Variants in MAGI1 observed in about 807,000 individuals in gnomAD.
The protein encoded by MAGI1 is membrane-associated guanylate kinase, WW and PDZ domain-containing protein 1.
A neutral mutation model predicts 139.9 loss-of-function variants in MAGI1; 58 were observed. The ratio of observed to expected loss-of-function variants is 0.41; its 90% CI spans 0.34 to 0.52. The LOEUF (loss-of-function observed/expected upper bound fraction) is 0.52. Ranked by LOEUF, MAGI1 falls within the 20% of genes least tolerant of loss-of-function variation. The pLI is 0.12. For synonymous variants in MAGI1, 812 were observed against 737.9 expected, an observed-to-expected ratio of 1.10 and a Z score of -1.63; for missense variants, 1,874 against 1,901.6, an observed-to-expected ratio of 0.99 and a Z score of 0.27.
chr3:65,609,868 C>T (rs74670899), intron 2 of MAGI1: 8,297 of 175,808 alleles, frequency 0.047, 358 homozygotes, highest in African/African-American at 0.11. Context: ...TGAGCCATCA[C>T]GCCCTGCTTC....
chr3:65,637,031 TG>T (rs1397657484), intron 1 of MAGI1, among the ~76,000 whole-genome samples: 1 of 152,214 alleles, frequency 6.6e-6, no homozygotes, highest in Non-Finnish European at 1.5e-5. Context: ...TTTGTCACTG[TG>T]AATTTGTTCC....
chr3:65,526,608 A>T (rs1429065825), intron 2 of MAGI1, among the ~76,000 whole-genome samples: 2 of 152,218 alleles, frequency 1.3e-5, no homozygotes, highest in Non-Finnish European at 2.9e-5. Context: ...CATACCTGCA[A>T]TTGCTTATAA....
At chr3:65,788,302 A>C (rs186401253) in intron 1 of MAGI1, among the ~76,000 whole-genome samples, 20 of 152,320 alleles carry the variant, frequency 1.3e-4, no homozygotes, top group Non-Finnish European at 2.4e-4. Flanking sequence ...TCTTACAAAT[A>C]ATAATTTTTA....
At chr3:65,840,853 T>C (rs1386864480) in intron 1 of MAGI1, among the ~76,000 whole-genome samples, 1 of 152,258 alleles carries the variant, frequency 6.6e-6, no homozygotes, top group East Asian at 1.9e-4. Context: ...GAAGAAATTA[T>C]ATACAGTTGC....
intron 12 of MAGI1, 190 bp from the exon 13 acceptor site, chr3:65,401,660 C>T (rs1290366378): frequency 9.7e-6 from 15 of 1,544,930 alleles, no homozygotes; most frequent in African/African-American, 2.8e-5. Context: ...AGGAGGAGAG[C>T]GAGAGGCAGG....
intron 1 of MAGI1, among the ~76,000 whole-genome samples, chr3:65,845,946 T>G (rs1266554936): frequency 1.3e-5 from 2 of 152,184 alleles, no homozygotes; most frequent in Non-Finnish European, 2.9e-5. Flanking sequence ...CCTTTTCTGG[T>G]TCAAAGATGA....
intron 6 of MAGI1, among the ~76,000 whole-genome samples, chr3:65,452,123 AG>A (rs1949066755): frequency 1.9e-3 from 1 of 516 alleles, no homozygotes; most frequent in Non-Finnish European, 3.7e-3. Flanking sequence ...AAAGCAACCA[AG>A]ATAAAACAAA....
intron 1 of MAGI1, among the ~76,000 whole-genome samples, chr3:65,786,100 C>T (rs992519464): frequency 1.2e-4 from 18 of 151,958 alleles, no homozygotes; most frequent in East Asian, 5.8e-4. Context: ...GGATTATAGA[C>T]GCCTACCATC....
chr3:65,932,069 A>C (rs1252885533), intron 1 of MAGI1, among the ~76,000 whole-genome samples: 2 of 152,236 alleles, frequency 1.3e-5, no homozygotes, highest in African/African-American at 4.8e-5. Flanking sequence ...AATCGTATCG[A>C]GTTTTCTAAT....
chr3:65,606,276 T>C (rs966056767), intron 2 of MAGI1, among the ~76,000 whole-genome samples: 1 of 152,202 alleles, frequency 6.6e-6, no homozygotes, highest in Non-Finnish European at 1.5e-5. Context: ...CAGCAACCAC[T>C]GCACCGTGCC....
chr3:65,605,300 G>T (rs1219002002), intron 2 of MAGI1, among the ~76,000 whole-genome samples: 2 of 152,026 alleles, frequency 1.3e-5, no homozygotes, highest in Non-Finnish European at 2.9e-5. Flanking sequence ...ACAAATTATG[G>T]CTCTCAGCAT....
intron 1 of MAGI1, among the ~76,000 whole-genome samples, chr3:65,736,133 C>A (rs1317350545): frequency 2.0e-5 from 3 of 152,228 alleles, no homozygotes; most frequent in Non-Finnish European, 2.9e-5. Flanking sequence ...AAGGTTCATT[C>A]TCTGTTACCA....
In MAGI1 at chr3:65,758,573, G is replaced by C. The variant is rs542492850; in HGVS notation, c.314-136485C>G. On this transcript the variant is annotated intron_variant, in intron 1 of 22. Coordinates refer to ENST00000402939, the MANE Select transcript of MAGI1 (RefSeq NM_001033057.2). ...TTCCCAAAGCAGCGGTTCTCAACTG[G>C]GGGGGAATATCATGCCCCAGGAGAC... 4.6e-5 allele frequency among the ~76,000 whole-genome samples: 7 copies of C among 152,136 alleles called. No homozygotes were observed. The East Asian group carries it at 9.7e-4, about 21-fold the overall frequency.
chr3:65,737,614 T>G (rs2034883266), intron 1 of MAGI1, among the ~76,000 whole-genome samples: 1 of 152,190 alleles, frequency 6.6e-6, no homozygotes, highest in Non-Finnish European at 1.5e-5. Context: ...AATCACTGGC[T>G]GCCATATGGT....
intron 1 of MAGI1, among the ~76,000 whole-genome samples, chr3:65,842,372 T>G (rs925877006): frequency 7.9e-5 from 12 of 152,076 alleles, no homozygotes; most frequent in African/African-American, 2.9e-4. Context: ...CTTTTTTTTT[T>G]TTTTTGACAC....
chr3:65,786,420 C>T lies in MAGI1; in HGVS notation c.314-164332G>A, dbSNP rs2643734. 6.1e-3 allele frequency among the ~76,000 whole-genome samples: 928 copies of T among 151,548 alleles called. 13 individuals carry two copies. Among genetic ancestry groups the T allele is most frequent in the African/African-American group, 0.021 (873 of 41,292 alleles). ...CTCCTAGTCTCAAGTGATCCTCCCA[C>T]CTCGGCTTCCCAAGCAGCTGGGTCT... On this transcript the variant is annotated intron_variant, in intron 1 of 22. Coordinates refer to ENST00000402939, the MANE Select transcript of MAGI1 (RefSeq NM_001033057.2).
At chr3:65,958,979 T>C (rs78650547) in intron 1 of MAGI1, among the ~76,000 whole-genome samples, 1,824 of 150,946 alleles carry the variant, frequency 0.012, 54 homozygotes, top group East Asian at 0.11. Context: ...TGAGTGAGAC[T>C]GTAACTCAAA....
chr3:65,526,898 T>C (rs2078409839), intron 2 of MAGI1, among the ~76,000 whole-genome samples: 1 of 152,084 alleles, frequency 6.6e-6, no homozygotes, highest in Admixed American at 6.6e-5. Context: ...CAGTAACTCC[T>C]GGGACCTTCA....
intron 6 of MAGI1, among the ~76,000 whole-genome samples, chr3:65,450,729 A>G (rs1948983714): frequency 6.6e-6 from 1 of 152,152 alleles, no homozygotes; most frequent in African/African-American, 2.4e-5. Flanking sequence ...TCAAAATCTC[A>G]AACCAGTTTC....
Sources: allele counts gnomAD v4.1 joint callset (sites outside exome capture counted in the v4.1 genomes callset), GRCh38; gene constraint gnomAD v4.1.1; transcripts MANE v1.5; gene names NCBI Gene and HGNC (gene_info 2026-07-23, HGNC 2026-07-21).